Variants in NEGR1 observed in about 807,000 individuals in gnomAD.
NEGR1 encodes the protein neuronal growth regulator 1, also known as IgLON family member 4.
A neutral mutation model predicts 40.9 loss-of-function variants in NEGR1; 10 were observed. That is an observed-to-expected ratio of 0.24 (90% CI 0.15 to 0.42). NEGR1 has a LOEUF of 0.42. Among genes scored for constraint, NEGR1 ranks in the 10% least tolerant of loss-of-function variants. The pLI is 1.00. For missense variants in NEGR1, 352 were observed against 438.9 expected (o/e 0.80, Z 1.77); for synonymous variants, 185 against 166.8 (o/e 1.11, Z -0.84).
intron 2 of NEGR1, among the ~76,000 whole-genome samples, chr1:71,835,334 C>A (rs1172827612): frequency 2.0e-5 from 3 of 152,060 alleles, no homozygotes; most frequent in African/African-American, 7.2e-5. Context: ...GGAAGAACTA[C>A]AAAGTCACAT....
At chr1:71,934,804 C>T (rs111845339) in intron 2 of NEGR1, among the ~76,000 whole-genome samples, 69 of 151,982 alleles carry the variant, frequency 4.5e-4, no homozygotes, top group African/African-American at 1.5e-3. Flanking sequence ...ACAATACTTG[C>T]ATACCTTTTT....
chr1:72,195,229 G>C (rs1253835695), intron 1 of NEGR1, among the ~76,000 whole-genome samples: 2 of 151,958 alleles, frequency 1.3e-5, no homozygotes. Context: ...GTTATCACTT[G>C]AGGATAAAGA....
chr1:71,561,988 C>T (rs1433295342), intron 6 of NEGR1, among the ~76,000 whole-genome samples: 1 of 143,852 alleles, frequency 7.0e-6, no homozygotes, highest in East Asian at 2.2e-4. Context: ...ATTGCAATTC[C>T]TTTTTTAGAG....
chr1:71,815,495 T>C (rs1174218393), intron 2 of NEGR1, among the ~76,000 whole-genome samples: 1 of 152,068 alleles, frequency 6.6e-6, no homozygotes, highest in African/African-American at 2.4e-5. Flanking sequence ...TGTTTAATAT[T>C]GGCAATAGTG....
chr1:72,014,196 T>G (rs1246901149), intron 1 of NEGR1, among the ~76,000 whole-genome samples: 1 of 151,940 alleles, frequency 6.6e-6, no homozygotes, highest in African/African-American at 2.4e-5. Context: ...GCTAGTGTTG[T>G]TTATTGAGTG....
intron 2 of NEGR1, among the ~76,000 whole-genome samples, chr1:71,911,052 G>C (rs1661409982): frequency 6.6e-6 from 1 of 152,048 alleles, no homozygotes; most frequent in South Asian, 2.1e-4. Flanking sequence ...AAATAAAAGA[G>C]CTTGAGAACC....
Position 71,406,049 on chromosome 1 carries a change from T to G in NEGR1, c.*1397A>C, listed in dbSNP as rs1646275991. ...TTTGATAATTACTTATCTTAAGATA[T>G]TCTCATCACTGGTGTTTTGTCTTTA... On this transcript the variant is annotated 3_prime_UTR_variant, in exon 7 of 7. Transcript: ENST00000357731. 6.6e-6 allele frequency: 1 copy of G among 152,304 alleles called. No homozygotes were observed. Among genetic ancestry groups the G allele is most frequent in the Admixed American group, 6.6e-5 (1 of 15,198 alleles). The allele number at this position is 152,304 out of a possible 1,614,324, so 9.4% of individuals were successfully genotyped here.
intron 1 of NEGR1, among the ~76,000 whole-genome samples, chr1:72,248,725 G>A (rs1308336131): frequency 6.6e-6 from 1 of 150,780 alleles, no homozygotes; most frequent in Non-Finnish European, 1.5e-5. Flanking sequence ...TGGGACTACA[G>A]GTGAGCACCA....
chr1:71,707,797 G>T (rs1364777838), intron 3 of NEGR1, among the ~76,000 whole-genome samples: 12 of 152,154 alleles, frequency 7.9e-5, no homozygotes, highest in Non-Finnish European at 1.5e-5. Context: ...GGTGGCTCAG[G>T]ACAGAGATGG....
intron 6 of NEGR1, among the ~76,000 whole-genome samples, chr1:71,500,574 A>G (rs994864320): frequency 6.6e-6 from 1 of 152,062 alleles, no homozygotes; most frequent in Non-Finnish European, 1.5e-5. Context: ...ACATCACTTA[A>G]TGTTTGTACT....
intron 3 of NEGR1, among the ~76,000 whole-genome samples, chr1:71,750,342 C>T (rs940647150): frequency 7.2e-5 from 11 of 152,170 alleles, no homozygotes; most frequent in Admixed American, 6.5e-4. Flanking sequence ...TCTCTTTGCC[C>T]TATATGAGCA....
chr1:71,992,680 G>A (rs1255536206), intron 1 of NEGR1, among the ~76,000 whole-genome samples: 2 of 122,324 alleles, frequency 1.6e-5, no homozygotes, highest in East Asian at 2.4e-4. Flanking sequence ...TACACTAAAA[G>A]TGTTCAGTAG....
chr1:71,734,246 T>C (rs1384531248), intron 3 of NEGR1, among the ~76,000 whole-genome samples: 2 of 152,204 alleles, frequency 1.3e-5, no homozygotes, highest in Non-Finnish European at 1.5e-5. Context: ...GGTTTGTTTA[T>C]AGAGCTGGTT....
chr1:72,116,917 A>G (rs1649602998), intron 1 of NEGR1, among the ~76,000 whole-genome samples: 1 of 151,784 alleles, frequency 6.6e-6, no homozygotes, highest in Admixed American at 6.6e-5. Flanking sequence ...ATGTTTTATT[A>G]TATGACATCA....
rs1274622773 is a variant in NEGR1 at position 71,404,941 on chromosome 1, G to A, written c.*2505C>T. The A allele has an allele frequency of 6.6e-6, 1 of 152,132 alleles. No homozygotes were observed. The highest frequency in any genetic ancestry group is 2.4e-5 in the African/African-American group (1 of 41,390). The allele number at this position is 152,132 out of a possible 1,614,324, so 9.4% of individuals were successfully genotyped here. On this transcript the variant is annotated 3_prime_UTR_variant, in exon 7 of 7. Coordinates refer to ENST00000357731, the MANE Select transcript of NEGR1 (RefSeq NM_173808.3). ...ACATTCACACAAAAAAGCAAATACT[G>A]TAGCCTTATTTGACAATATTGAACT...
At chr1:71,967,011 G>C (rs754599227) in intron 1 of NEGR1, among the ~76,000 whole-genome samples, 2 of 152,126 alleles carry the variant, frequency 1.3e-5, no homozygotes, top group South Asian at 4.2e-4. Flanking sequence ...GGCACAACCA[G>C]CTGGGTTGTT....
intron 6 of NEGR1, among the ~76,000 whole-genome samples, chr1:71,572,118 T>C (rs1229370368): frequency 6.6e-6 from 1 of 152,158 alleles, no homozygotes; most frequent in Non-Finnish European, 1.5e-5. Flanking sequence ...CGGGCTTTAT[T>C]TAGCCCTACC....
At chr1:72,091,066 C>T (rs1359041906) in intron 1 of NEGR1, among the ~76,000 whole-genome samples, 2 of 152,034 alleles carry the variant, frequency 1.3e-5, no homozygotes, top group African/African-American at 4.8e-5. Flanking sequence ...TTAGACAATT[C>T]CACTCCTCCA....
intron 1 of NEGR1, among the ~76,000 whole-genome samples, chr1:72,193,974 C>G (rs1000767996): frequency 1.3e-5 from 2 of 151,632 alleles, no homozygotes; most frequent in Admixed American, 6.6e-5. Flanking sequence ...TGATCTTGAT[C>G]TAAGGTATCA....
Sources: gnomAD v4.1 joint callset for allele counts (sites outside exome capture counted in the v4.1 genomes callset) on GRCh38, gnomAD v4.1.1 for gene constraint, MANE v1.5 for transcripts, NCBI Gene and HGNC (gene_info 2026-07-23, HGNC 2026-07-21) for gene names.